PTPRO: variants seen among roughly 807,000 people sequenced by gnomAD.
PTPRO encodes protein tyrosine phosphatase receptor type O, also known as receptor-type tyrosine-protein phosphatase O.
PTPRO carries 62 observed loss-of-function variants against 145.2 expected under a neutral mutation model. The observed-to-expected ratio is 0.43, with a 90% CI of 0.35 to 0.53. The LOEUF is 0.53. Ranked by LOEUF, PTPRO falls within the 20% of genes least tolerant of loss-of-function variation. The pLI is 0.01. For missense variants in PTPRO, 1,345 were observed against 1,482.7 expected (o/e 0.91, Z 1.53); for synonymous variants, 565 against 514.7 (o/e 1.10, Z -1.32).
chr12:15,570,161 T>C (rs986087782), intron 19 of PTPRO, among the ~76,000 whole-genome samples: 2 of 152,112 alleles, frequency 1.3e-5, no homozygotes, highest in Admixed American at 6.6e-5. Flanking sequence ...ATCTCAGCAG[T>C]GTGGGGGAAG....
intron 1 of PTPRO, among the ~76,000 whole-genome samples, chr12:15,391,139 G>A (rs983799): frequency 2.6e-5 from 4 of 152,090 alleles, no homozygotes; most frequent in Non-Finnish European, 5.9e-5. Context: ...ACAAGGAACT[G>A]TGGGAGGATG....
intron 7 of PTPRO, among the ~76,000 whole-genome samples, chr12:15,509,746 AC>A (rs1364773380): frequency 6.6e-6 from 1 of 152,108 alleles, no homozygotes; most frequent in Non-Finnish European, 1.5e-5. Flanking sequence ...ACCAGTCACA[AC>A]TGAAAAGAGC....
intron 12 of PTPRO, among the ~76,000 whole-genome samples, chr12:15,526,490 A>G (rs1282748163): frequency 3.3e-5 from 5 of 152,164 alleles, no homozygotes; most frequent in African/African-American, 4.8e-5. Flanking sequence ...GTTCTTTGTA[A>G]GGTTAAAGAA....
intron 3 of PTPRO, among the ~76,000 whole-genome samples, chr12:15,498,552 C>G (rs974604226): frequency 6.6e-6 from 1 of 152,062 alleles, no homozygotes; most frequent in Non-Finnish European, 1.5e-5. Flanking sequence ...AGCAAGGCCC[C>G]ATCTCAAAAT....
intron 19 of PTPRO, among the ~76,000 whole-genome samples, chr12:15,574,479 C>T (rs1306447125): frequency 6.6e-6 from 1 of 152,192 alleles, no homozygotes; most frequent in Non-Finnish European, 1.5e-5. Flanking sequence ...CATCTCTGTT[C>T]AGACATGTGG....
intron 1 of PTPRO, among the ~76,000 whole-genome samples, chr12:15,481,030 A>T (rs748780600): frequency 2.0e-5 from 3 of 152,210 alleles, no homozygotes; most frequent in Non-Finnish European, 4.4e-5. Flanking sequence ...AGCATAATTC[A>T]AAAGAAAGAA....
chr12:15,475,053 G>A lies in PTPRO; in HGVS notation c.76-8921G>A, dbSNP rs547157344. ...TGATACAATCATCCCCAAAGCTGTC[G>A]TTAGCATTTGGAAGATTAGTCCCTT... On this transcript the variant is annotated intron_variant, in intron 1 of 26. Transcript: ENST00000281171. 7.9e-5 allele frequency among the ~76,000 whole-genome samples: 12 copies of A among 152,274 alleles called. 1 individual carries two copies. The South Asian group carries it at 2.5e-3, about 32-fold the overall frequency.
intron 1 of PTPRO, among the ~76,000 whole-genome samples, chr12:15,327,055 GAATT>G (rs1866465457): frequency 6.6e-6 from 1 of 152,106 alleles, no homozygotes; most frequent in Non-Finnish European, 1.5e-5. Context: ...CTCTGACTGA[GAATT>G]ATGAAATATT....
At chr12:15,552,781 C>T (rs1943499995) in intron 15 of PTPRO, among the ~76,000 whole-genome samples, 1 of 146,030 alleles carries the variant, frequency 6.8e-6, no homozygotes, top group Non-Finnish European at 1.5e-5. Flanking sequence ...AAATTACACT[C>T]CTTGAGGTCA....
At chr12:15,415,571 A>G (rs1469099586) in intron 1 of PTPRO, among the ~76,000 whole-genome samples, 1 of 148,542 alleles carries the variant, frequency 6.7e-6, no homozygotes, top group Non-Finnish European at 1.5e-5. Flanking sequence ...TTTTTAGTAG[A>G]GACGGGGTTT....
intron 1 of PTPRO, among the ~76,000 whole-genome samples, chr12:15,347,718 G>C (rs1228699646): frequency 6.6e-6 from 1 of 152,202 alleles, no homozygotes; most frequent in Non-Finnish European, 1.5e-5. Flanking sequence ...ACTCTTAGTA[G>C]TTTTCTGTAG....
chr12:15,408,935 T>G (rs1939720646), intron 1 of PTPRO, among the ~76,000 whole-genome samples: 1 of 152,184 alleles, frequency 6.6e-6, no homozygotes. Flanking sequence ...GAATAATAAA[T>G]AATGCCACTT....
intron 10 of PTPRO, 89 bp from the exon 11 acceptor site, chr12:15,524,725 T>G: frequency 1.4e-6 from 2 of 1,407,360 alleles, no homozygotes; most frequent in Non-Finnish European, 2.0e-6. Context: ...ATTCGCTAAG[T>G]TGACTCTATA....
rs74069013 is a variant in PTPRO at position 15,380,821 on chromosome 12, G to T, written c.75+58020G>T. Among the ~76,000 whole-genome samples the T allele has an allele frequency of 6.8e-3, 1,028 of 152,142 alleles. 11 individuals are homozygous for T. The highest frequency in any genetic ancestry group is 0.023 in the African/African-American group (968 of 41,540). On this transcript the variant is annotated intron_variant, in intron 1 of 26. Coordinates refer to ENST00000281171, the MANE Select transcript of PTPRO (RefSeq NM_030667.3). ...ATTAATTGTATGCTAAAGAAACTTA[G>T]ACCAAAATATACTTTCATTTGAATG...
rs562047402 is a variant in PTPRO at position 15,508,144 on chromosome 12, T to C, written c.1268-427T>C. On this transcript the variant is annotated intron_variant, in intron 6 of 26. Coordinates refer to ENST00000281171, the MANE Select transcript of PTPRO (RefSeq NM_030667.3). ...CTCACTGTTGCCAAATTCAAATGTTTGCACAGGGTAGTAGTCGAGGCTGAT... is the reference window on the plus strand; with the variant it reads ...CTCACTGTTGCCAAATTCAAATGTTCGCACAGGGTAGTAGTCGAGGCTGAT... 1.6e-4 allele frequency among the ~76,000 whole-genome samples: 25 copies of C among 152,346 alleles called. No individual in the cohort carries two copies. The Middle Eastern group carries it at 0.014, about 83-fold the overall frequency.
intron 6 of PTPRO, among the ~76,000 whole-genome samples, chr12:15,504,313 A>G (rs1206229172): frequency 1.3e-5 from 2 of 152,156 alleles, no homozygotes; most frequent in Non-Finnish European, 2.9e-5. Flanking sequence ...ATAATTGAAC[A>G]TTTATTAAAC....
intron 2 of PTPRO, among the ~76,000 whole-genome samples, chr12:15,487,444 AG>A (rs879901650): frequency 8.1e-4 from 124 of 152,320 alleles, no homozygotes; most frequent in Non-Finnish European, 1.5e-3. Flanking sequence ...AGAACTAGAA[AG>A]GAAAGATTTT....
At chr12:15,485,255 T>C (rs1034663460) in intron 2 of PTPRO, among the ~76,000 whole-genome samples, 1 of 152,104 alleles carries the variant, frequency 6.6e-6, no homozygotes, top group South Asian at 2.1e-4. Flanking sequence ...GGATCAGTAG[T>C]GAGTCCTAAA....
intron 10 of PTPRO, among the ~76,000 whole-genome samples, chr12:15,522,988 C>CTA (rs1314698812): frequency 1.3e-5 from 2 of 152,070 alleles, no homozygotes; most frequent in Non-Finnish European, 2.9e-5. Flanking sequence ...TATTAGGAGG[C>CTA]TATAAGGAAG....
Sources: gnomAD v4.1 joint callset for allele counts (sites outside exome capture counted in the v4.1 genomes callset) on GRCh38, gnomAD v4.1.1 for gene constraint, MANE v1.5 for transcripts, NCBI Gene and HGNC (gene_info 2026-07-23, HGNC 2026-07-21) for gene names.